The following OR9Q1 variants were observed in gnomAD, a reference collection of about 807,000 sequenced individuals.
OR9Q1 encodes olfactory receptor family 9 subfamily Q member 1.
For missense variants in OR9Q1, 374 were observed against 378.8 expected (o/e 0.99, Z 0.11); for synonymous variants, 153 against 148.6 (o/e 1.03, Z -0.22).
chr11:58,166,900 A>G (rs1226904033), intron 2 of OR9Q1, among the ~76,000 whole-genome samples: 1 of 152,200 alleles, frequency 6.6e-6, no homozygotes, highest in African/African-American at 2.4e-5. Flanking sequence ...TTACAAGTAC[A>G]ATTTTGTTAC....
intron 2 of OR9Q1, among the ~76,000 whole-genome samples, chr11:58,064,635 A>G (rs1158534652): frequency 6.6e-6 from 1 of 152,172 alleles, no homozygotes; most frequent in African/African-American, 2.4e-5. Flanking sequence ...TGCAGGAGTC[A>G]TAAATCTGCA....
At chr11:58,039,892 T>C (rs1275833108) in intron 1 of OR9Q1, among the ~76,000 whole-genome samples, 1 of 152,234 alleles carries the variant, frequency 6.6e-6, no homozygotes, top group Non-Finnish European at 1.5e-5. Context: ...CTGGGTATGA[T>C]TTTATTGATT....
intron 2 of OR9Q1, among the ~76,000 whole-genome samples, chr11:58,152,407 T>C (rs1453062547): frequency 6.6e-6 from 1 of 152,210 alleles, no homozygotes; most frequent in Non-Finnish European, 1.5e-5. Context: ...TACCCTATGA[T>C]CTGACAGCAC....
intron 2 of OR9Q1, among the ~76,000 whole-genome samples, chr11:58,095,932 A>G (rs1375048588): frequency 6.6e-6 from 1 of 152,186 alleles, no homozygotes; most frequent in African/African-American, 2.4e-5. Context: ...CTCACACCAT[A>G]CTAGGTCTCA....
intron 1 of OR9Q1, among the ~76,000 whole-genome samples, chr11:58,053,661 A>ATTATATATATATT (rs1254851190): frequency 1.7e-4 from 4 of 22,888 alleles, no homozygotes; most frequent in Admixed American, 3.7e-4. Context: ...ATATATATAA[A>ATTATATATATATT]ATATATATAT....
intron 1 of OR9Q1, among the ~76,000 whole-genome samples, chr11:58,048,075 C>T (rs2443451): frequency 0.97 from 147,661 of 152,248 alleles, 71,763 homozygotes; most frequent in East Asian, 1. Context: ...ATCTGAAACA[C>T]TAGATCTTGC....
chr11:58,031,482 T>A, intron 1 of OR9Q1: 1 of 1,614,156 alleles, frequency 6.2e-7, no homozygotes, highest in Non-Finnish European at 8.5e-7. Flanking sequence ...GGCCCAAATG[T>A]CATTGACCAT....
At chr11:58,032,347 A>G (rs1026568294) in intron 1 of OR9Q1, among the ~76,000 whole-genome samples, 1 of 152,236 alleles carries the variant, frequency 6.6e-6, no homozygotes, top group African/African-American at 2.4e-5. Flanking sequence ...TGGAGGCATT[A>G]TATTATCTGA....
chr11:58,168,092 G>C (rs182568866), intron 2 of OR9Q1, among the ~76,000 whole-genome samples: 15 of 152,238 alleles, frequency 9.9e-5, no homozygotes, highest in Non-Finnish European at 1.0e-4. Flanking sequence ...TAAAATAATA[G>C]ATTTCATTCC....
chr11:58,068,956 G>A (rs1051762086), intron 2 of OR9Q1, among the ~76,000 whole-genome samples: 1 of 152,192 alleles, frequency 6.6e-6, no homozygotes, highest in African/African-American at 2.4e-5. Flanking sequence ...CCAGCCCCGA[G>A]AACATGTTCA....
At chr11:58,144,886 A>T (rs1854285470) in intron 2 of OR9Q1, 2 of 152,496 alleles carry the variant, frequency 1.3e-5, no homozygotes, top group Admixed American at 1.3e-4. Context: ...TGCCATAGTC[A>T]TGACACCAAA....
chr11:58,082,017 A>C (rs1390471734), intron 2 of OR9Q1, among the ~76,000 whole-genome samples: 2 of 152,118 alleles, frequency 1.3e-5, no homozygotes, highest in Non-Finnish European at 2.9e-5. Context: ...AAAAATGCTC[A>C]TCATCACTGG....
chr11:58,063,522 T>G (rs1003521487), intron 2 of OR9Q1, among the ~76,000 whole-genome samples: 3 of 152,188 alleles, frequency 2.0e-5, no homozygotes, highest in Admixed American at 2.0e-4. Context: ...TTATTAGAGT[T>G]ACTCTCAGCC....
chr11:58,073,208 C>A, intron 2 of OR9Q1: 1 of 233,286 alleles, frequency 4.3e-6, no homozygotes, highest in South Asian at 7.8e-5. Flanking sequence ...GCTTGTATTT[C>A]CAATAAAGTG....
At chr11:58,070,559 C>T (rs1853478090) in intron 2 of OR9Q1, among the ~76,000 whole-genome samples, 1 of 152,156 alleles carries the variant, frequency 6.6e-6, no homozygotes, top group African/African-American at 2.4e-5. Flanking sequence ...GCAGGCTCCT[C>T]CAGGACCACC....
chr11:58,059,025 C>T (rs1853353481), intron 2 of OR9Q1, among the ~76,000 whole-genome samples: 1 of 152,198 alleles, frequency 6.6e-6, no homozygotes, highest in Non-Finnish European at 1.5e-5. Flanking sequence ...ATGTTCTCAC[C>T]AGCCTTGTAA....
intron 2 of OR9Q1, among the ~76,000 whole-genome samples, chr11:58,083,051 C>T (rs1853604422): frequency 6.6e-6 from 1 of 151,172 alleles, no homozygotes; most frequent in South Asian, 2.1e-4. Context: ...GCTTTTGTTG[C>T]CATTGCTTTT....
intron 2 of OR9Q1, among the ~76,000 whole-genome samples, chr11:58,114,896 C>T (rs1853935974): frequency 6.6e-6 from 1 of 152,074 alleles, no homozygotes; most frequent in African/African-American, 2.4e-5. Context: ...ACTGGGACTT[C>T]CGGCTGCAAT....
chr11:58,034,103 A>G lies in OR9Q1; in HGVS notation c.-93+9999A>G, dbSNP rs1366874369. Among the ~76,000 whole-genome samples, 148 of 119,520 alleles carry G rather than the reference A, an allele frequency of 1.2e-3. 3 individuals are homozygous for G. In the Admixed American group the frequency reaches 0.014, roughly 11 times the overall value. The allele number at this position is 119,520 out of a possible 152,430, so 78.4% of individuals were successfully genotyped here. A position where few individuals can be genotyped will look rare whatever the true frequency, so the allele number is the denominator to read the frequency against. ...TTTTTTTTTTTTTTTTTTTTTTTAG[A>G]CAGAGTCTTGCTCTGTCGGCCAGGC... On this transcript the variant is annotated intron_variant, in intron 1 of 2. Transcript: ENST00000335397.
Sources: gnomAD v4.1 joint callset for allele counts (sites outside exome capture counted in the v4.1 genomes callset) on GRCh38, gnomAD v4.1.1 for gene constraint, MANE v1.5 for transcripts, NCBI Gene and HGNC (gene_info 2026-07-23, HGNC 2026-07-21) for gene names.